The following CHI3L2 variants were observed in gnomAD, a reference collection of about 807,000 sequenced individuals.
The protein encoded by CHI3L2 is chitinase-3-like protein 2.
A neutral mutation model predicts 47.3 loss-of-function variants in CHI3L2; 47 were observed. The observed-to-expected ratio is 0.99, with a 90% CI of 0.79 to 1.27. CHI3L2 has a LOEUF of 1.27. Ranked by LOEUF, CHI3L2 falls within the 50% of genes most tolerant of loss-of-function variation. The pLI, the probability that CHI3L2 is intolerant of heterozygous loss-of-function variation, is 0.00. For missense variants in CHI3L2, 497 were observed against 462.1 expected (o/e 1.08, Z -0.69); for synonymous variants, 198 against 169.9 (o/e 1.17, Z -1.28).
intron 7 of CHI3L2, among the ~76,000 whole-genome samples, chr1:111,237,410 G>C (rs1659916512): frequency 6.6e-6 from 1 of 152,160 alleles, no homozygotes; most frequent in Admixed American, 6.5e-5. Context: ...CTTTGCAAAG[G>C]CTGTTTCATA....
chr1:111,227,807 G>A (rs377086481), intron 1 of CHI3L2, 38 bp downstream of exon 1: 8 of 1,569,348 alleles, frequency 5.1e-6, no homozygotes, highest in African/African-American at 1.3e-5. Context: ...GAAATTTGGT[G>A]AGGAAGGAAG....
chr1:111,241,147 G>T (rs1001247523), intron 8 of CHI3L2, among the ~76,000 whole-genome samples, 180 bp from the exon 9 acceptor site: 2 of 152,108 alleles, frequency 1.3e-5, no homozygotes, highest in Non-Finnish European at 2.9e-5. Context: ...CTTCCTAGAG[G>T]TTCACCTTGG....
At chr1:111,242,182 G>A (rs374936200) in intron 9 of CHI3L2, 45 bp from the exon 10 acceptor site, 71 of 1,613,030 alleles carry the variant, frequency 4.4e-5, no homozygotes, top group Non-Finnish European at 5.6e-5. Flanking sequence ...GGGCATTTAG[G>A]GGCCACCCTT....
In CHI3L2 at chr1:111,236,140, C is replaced by G. The variant is rs1659881378; in HGVS notation, c.722C>G (p.Ser241Cys). The G allele has an allele frequency of 1.2e-6, 2 of 1,614,180 alleles. No individual in the cohort carries two copies. The highest frequency in any genetic ancestry group is 1.6e-4 in the Middle Eastern group (1 of 6,062). Residue 241 changes from serine (S) to cysteine (C), a missense_variant, in exon 7 of 11, where the codon TCC (serine) becomes TGC (cysteine). Ser to Cys is a moderately radical substitution (Grantham distance 112). Coordinates refer to ENST00000369748, the MANE Select transcript of CHI3L2 (RefSeq NM_004000.3). ...SKGWQDRGPS[S>C]YYNVEYAVGY... ...GGGTGGCAGGACAGAGGGCCAAGCT[C>G]CTACTACAATGTGGTGAGTAGGCCA...
chr1:111,229,664 A>C lies in CHI3L2; in HGVS notation c.41-188A>C, dbSNP rs1179796598. 4.4e-5 allele frequency: 27 copies of C among 610,886 alleles called. No individual in the cohort carries two copies. In the South Asian group the frequency reaches 7.9e-4, roughly 18 times the overall value. 37.8% of individuals were successfully genotyped at this position (610,886 alleles called of 1,614,324 possible). The stretch of plus-strand genomic sequence containing the variant: ...ACCACTGCACTCCAGCCTGGGCGAC[A>C]GAGCGAGACTCCGTCTCAAAAAAAA... On this transcript the variant is annotated intron_variant, in intron 1 of 10. Transcript: ENST00000369748.
intron 7 of CHI3L2, among the ~76,000 whole-genome samples, chr1:111,237,855 A>T (rs1659929314): frequency 6.6e-6 from 1 of 152,246 alleles, no homozygotes; most frequent in African/African-American, 2.4e-5. Context: ...CAGCATTAAC[A>T]TCAATACAGA....
At chr1:111,237,424 A>C (rs527970585) in intron 7 of CHI3L2, among the ~76,000 whole-genome samples, 1 of 152,208 alleles carries the variant, frequency 6.6e-6, no homozygotes, top group African/African-American at 2.4e-5. Context: ...TTTCATATAT[A>C]TGGATGTATA....
At position 111,242,361 on chromosome 1, in the gene CHI3L2, G is replaced by C. The variant is rs138532735; in HGVS notation, c.1170G>C (p.Leu390=). Reference sequence around the variant, plus strand: ...CAGTCAAGAGAAGCCTTGGCTCCCTGTGAAGGTAACAGTCCAGGCTGGAGC... The same window carrying C: ...CAGTCAAGAGAAGCCTTGGCTCCCTCTGAAGGTAACAGTCCAGGCTGGAGC... ...VQAVKRSLGS[L] Residue 390 remains leucine (L), a synonymous_variant, in exon 10 of 11, where the codon CTG becomes CTC. Transcript: ENST00000369748. The C allele has an allele frequency of 3.1e-6, 5 of 1,605,424 alleles. No homozygotes were observed. The highest frequency in any genetic ancestry group is 4.3e-6 in the Non-Finnish European group (5 of 1,175,680).
At chr1:111,229,982 T>A in intron 2 of CHI3L2, 101 bp downstream of exon 2, 2 of 1,320,156 alleles carry the variant, frequency 1.5e-6, no homozygotes, top group Non-Finnish European at 2.2e-6. Context: ...TTCTCTTGAT[T>A]ACTCTCTCCG....
At chr1:111,236,271 A>T in intron 7 of CHI3L2, 118 bp downstream of exon 7, 2 of 1,138,092 alleles carry the variant, frequency 1.8e-6, no homozygotes, top group Non-Finnish European at 2.5e-6. Context: ...CCCAAGAGGG[A>T]ATTGGGTAGC....
chr1:111,231,168 A>G, intron 3 of CHI3L2, 70 bp from the exon 4 acceptor site: 1 of 1,343,132 alleles, frequency 7.4e-7, no homozygotes, highest in African/African-American at 1.4e-5. Flanking sequence ...ACACTTAAGA[A>G]CTCTGTTCTT....
At position 111,242,359 on chromosome 1, in the gene CHI3L2, C is replaced by T. The variant is rs60712732; in HGVS notation, c.1168C>T (p.Leu390=). 2,233 of 1,605,454 alleles carry T rather than the reference C, an allele frequency of 1.4e-3. 28 individuals are homozygous for T. In the African/African-American group the frequency reaches 0.027, roughly 19 times the overall value. Residue 390 remains leucine, a synonymous_variant, in exon 10 of 11, where the codon CTG becomes TTG. Coordinates refer to ENST00000369748, the MANE Select transcript of CHI3L2 (RefSeq NM_004000.3). ...AGCAGTCAAGAGAAGCCTTGGCTCC[C>T]TGTGAAGGTAACAGTCCAGGCTGGA... ...VQAVKRSLGS[L]
At chr1:111,233,887 C>T (rs572066027) in intron 4 of CHI3L2, among the ~76,000 whole-genome samples, 44 of 152,272 alleles carry the variant, frequency 2.9e-4, no homozygotes, top group Non-Finnish European at 5.6e-4. Context: ...GATCGGTGAC[C>T]TTGCCCCCAA....
chr1:111,243,255 C>A lies in CHI3L2; in HGVS notation c.*41C>A, dbSNP rs1660114866. 2.2e-6 allele frequency: 1 copy of A among 455,930 alleles called. No individual in the cohort carries two copies. Among genetic ancestry groups the A allele is most frequent in the Admixed American group, 2.3e-5 (1 of 42,560 alleles). The allele number at this position is 455,930 out of a possible 1,614,324, so 28.2% of individuals were successfully genotyped here. ...AGAAGCAGGCAAGATGACCTTGCTG[C>A]CTGGGGCCTGCTCTCTCCCAGGAAT... On this transcript the variant is annotated 3_prime_UTR_variant, in exon 11 of 11. Coordinates refer to ENST00000369748, the MANE Select transcript of CHI3L2 (RefSeq NM_004000.3).
chr1:111,243,234 G>A lies in CHI3L2; in HGVS notation c.*20G>A, dbSNP rs1192285110. On this transcript the variant is annotated 3_prime_UTR_variant, in exon 11 of 11. Transcript: ENST00000369748. ...GTTTCCAGGATTAACTTACAGAGAAGCAGGCAAGATGACCTTGCTGCCTGG... is the reference window on the plus strand; with the variant it reads ...GTTTCCAGGATTAACTTACAGAGAAACAGGCAAGATGACCTTGCTGCCTGG... 1.3e-5 allele frequency: 6 copies of A among 455,928 alleles called. No individual in the cohort carries two copies. Among genetic ancestry groups the A allele is most frequent in the Admixed American group, 2.4e-5 (1 of 42,552 alleles). The allele number at this position is 455,928 out of a possible 1,614,324, so 28.2% of individuals were successfully genotyped here.
Position 111,235,827 on chromosome 1 carries a change from C to A in CHI3L2, c.605+64C>A. 1.9e-6 allele frequency: 3 copies of A among 1,593,222 alleles called. No homozygotes were observed. In the South Asian group the frequency reaches 3.4e-5, roughly 18 times the overall value. On this transcript the variant is annotated intron_variant, in intron 6 of 10. Coordinates refer to ENST00000369748, the MANE Select transcript of CHI3L2 (RefSeq NM_004000.3). ...AATTTGGTCCATGCAAATGATGCAT[C>A]AGCATGTTTGACGGATGAGGGGAGG...
At chr1:111,241,491 T>G in intron 9 of CHI3L2, 48 bp downstream of exon 9, 2 of 928,702 alleles carry the variant, frequency 2.2e-6, no homozygotes. Context: ...AATGGTGATA[T>G]GTAGTAAAAT....
chr1:111,241,401 C>A lies in CHI3L2; in HGVS notation c.993C>A (p.Asn331Lys). 1 of 1,608,954 alleles carries A rather than the reference C, an allele frequency of 6.2e-7. No individual in the cohort carries two copies. The highest frequency in any genetic ancestry group is 8.5e-7 in the Non-Finnish European group (1 of 1,175,258). ...AGGTTCCCTACGCAGTCAAGGGGAA[C>A]CAGTGGGTGGGCTATGATGATGTGA... ...DQQVPYAVKGNQWVGYDDVKS... is the reference protein window; with the variant it reads ...DQQVPYAVKGKQWVGYDDVKS... Residue 331 changes from asparagine to lysine, a missense_variant, in exon 9 of 11, where the codon AAC (asparagine) becomes AAA (lysine). Transcript: ENST00000369748.
chr1:111,236,416 T>A (rs1013795035), intron 7 of CHI3L2, among the ~76,000 whole-genome samples: 1 of 152,196 alleles, frequency 6.6e-6, no homozygotes, highest in Non-Finnish European at 1.5e-5. Flanking sequence ...CATCCCAGTC[T>A]TCTCTGGATT....
Sources: gnomAD v4.1 joint callset for allele counts (sites outside exome capture counted in the v4.1 genomes callset) on GRCh38, gnomAD v4.1.1 for gene constraint, MANE v1.5 for transcripts, NCBI Gene and HGNC (gene_info 2026-07-23, HGNC 2026-07-21) for gene names.